MYO3B: variants seen among roughly 807,000 people sequenced by gnomAD.
MYO3B encodes myosin IIIB.
In MYO3B, 156 loss-of-function variants were observed where a neutral mutation model predicts 174.6. The ratio of observed to expected loss-of-function variants is 0.89; its 90% confidence interval spans 0.78 to 1.02. The LOEUF is 1.02. Ranked by LOEUF, MYO3B falls within the 50% of genes least tolerant of loss-of-function variation. MYO3B has a pLI of 0.00. For missense variants in MYO3B, 1,632 were observed against 1,639.4 expected, an observed-to-expected ratio of 1.00 and a Z score of 0.08; for synonymous variants, 563 against 569.1, an observed-to-expected ratio of 0.99 and a Z score of 0.15.
intron 16 of MYO3B, 53 bp from the exon 17 acceptor site, chr2:170,400,135 C>A: frequency 6.2e-7 from 1 of 1,610,886 alleles, no homozygotes; most frequent in South Asian, 1.1e-5. Flanking sequence ...TCTAATGGTT[C>A]ATTAGTTTGA....
intron 6 of MYO3B, among the ~76,000 whole-genome samples, chr2:170,230,740 G>C (rs1035628): frequency 0.9 from 137,620 of 152,218 alleles, 62,427 homozygotes; most frequent in Non-Finnish European, 0.93. Context: ...ATAATTATTA[G>C]CCATATGTCA....
intron 25 of MYO3B, among the ~76,000 whole-genome samples, chr2:170,481,376 G>C (rs1353435746): frequency 1.3e-5 from 2 of 152,166 alleles, no homozygotes; most frequent in Non-Finnish European, 2.9e-5. Context: ...CTTGAGCCCA[G>C]TCATTCGAGA....
chr2:170,370,624 TA>T (rs2094234419), intron 9 of MYO3B, among the ~76,000 whole-genome samples: 1 of 129,466 alleles, frequency 7.7e-6, no homozygotes, highest in Non-Finnish European at 1.6e-5. Context: ...ACCACCCACC[TA>T]CACACACACA....
chr2:170,205,102 G>A (rs935491368), intron 3 of MYO3B, among the ~76,000 whole-genome samples: 1 of 152,154 alleles, frequency 6.6e-6, no homozygotes, highest in African/African-American at 2.4e-5. Flanking sequence ...AAGTCAGACA[G>A]CTCTTATACT....
intron 8 of MYO3B, among the ~76,000 whole-genome samples, chr2:170,363,562 G>A (rs1459842820): frequency 6.6e-6 from 1 of 152,172 alleles, no homozygotes; most frequent in Non-Finnish European, 1.5e-5. Flanking sequence ...GTTTTTGCCT[G>A]TTTTTGGCAG....
intron 32 of MYO3B, among the ~76,000 whole-genome samples, chr2:170,548,997 A>G (rs910449450): frequency 1.3e-5 from 2 of 151,932 alleles, no homozygotes; most frequent in Non-Finnish European, 2.9e-5. Context: ...GGTTTTAAGC[A>G]TTTTTTTTAG....
intron 9 of MYO3B, among the ~76,000 whole-genome samples, chr2:170,378,054 C>T (rs1194830517): frequency 6.9e-6 from 1 of 144,770 alleles, no homozygotes; most frequent in African/African-American, 2.5e-5. Context: ...TTACTAATGA[C>T]ACAAATCACT....
intron 14 of MYO3B, among the ~76,000 whole-genome samples, chr2:170,388,569 G>A (rs928171164): frequency 4.6e-5 from 7 of 152,132 alleles, no homozygotes; most frequent in Non-Finnish European, 8.8e-5. Context: ...GCCACTGAAC[G>A]TTTTCAAGCA....
chr2:170,313,340 G>A (rs2105474609), intron 7 of MYO3B, among the ~76,000 whole-genome samples: 1 of 152,242 alleles, frequency 6.6e-6, no homozygotes, highest in East Asian at 1.9e-4. Context: ...CAAACATAGT[G>A]CTCAGTAAGT....
chr2:170,391,708 C>T (rs1210980317), intron 15 of MYO3B, 90 bp downstream of exon 15: 1 of 752,546 alleles, frequency 1.3e-6, no homozygotes, highest in African/African-American at 1.8e-5. Flanking sequence ...GTTTTCCTAA[C>T]TGGAAACTCA....
chr2:170,548,026 G>A (rs182697566), intron 32 of MYO3B, among the ~76,000 whole-genome samples: 1 of 147,242 alleles, frequency 6.8e-6, no homozygotes, highest in Non-Finnish European at 1.5e-5. Context: ...AGAATGGTGT[G>A]AACCCGGGAG....
chr2:170,638,107 TCTCA>T (rs944177333), intron 32 of MYO3B, among the ~76,000 whole-genome samples: 3 of 149,236 alleles, frequency 2.0e-5, no homozygotes, highest in African/African-American at 4.9e-5. Flanking sequence ...TCTCTCTCTC[TCTCA>T]CACACACACA....
chr2:170,545,712 T>C (rs1690438895), intron 32 of MYO3B, among the ~76,000 whole-genome samples: 3 of 152,324 alleles, frequency 2.0e-5, no homozygotes, highest in South Asian at 4.2e-4. Context: ...TCATATGCAC[T>C]TTCTTTCTAG....
At chr2:170,391,306 C>G (rs914222168) in intron 14 of MYO3B, among the ~76,000 whole-genome samples, 2 of 152,130 alleles carry the variant, frequency 1.3e-5, no homozygotes, top group Non-Finnish European at 2.9e-5. Flanking sequence ...TCTCTGAAAC[C>G]TTTTGCTTGT....
At chr2:170,551,673 A>G (rs147418596) in intron 32 of MYO3B, among the ~76,000 whole-genome samples, 179 of 151,806 alleles carry the variant, frequency 1.2e-3, no homozygotes, top group South Asian at 7.3e-3. Flanking sequence ...TTAATCCCCA[A>G]TCCAATTTCT....
chr2:170,406,732 T>C (rs974304287), intron 21 of MYO3B, among the ~76,000 whole-genome samples: 1 of 152,222 alleles, frequency 6.6e-6, no homozygotes, highest in East Asian at 1.9e-4. Flanking sequence ...AAACTTTTTT[T>C]ATTTTTATTT....
chr2:170,249,878 G>A (rs1420322673), intron 7 of MYO3B, among the ~76,000 whole-genome samples: 1 of 152,158 alleles, frequency 6.6e-6, no homozygotes, highest in Non-Finnish European at 1.5e-5. Context: ...AAAGATTTCT[G>A]TAAAGAAACC....
chr2:170,499,766 G>A lies in MYO3B; in HGVS notation c.3247G>A (p.Val1083Ile), dbSNP rs1687113247. 3 of 1,613,946 alleles carry A rather than the reference G, an allele frequency of 1.9e-6. No individual in the cohort carries two copies. The highest frequency in any genetic ancestry group is 2.7e-5 in the African/African-American group (2 of 74,932). The change falls in exon 27 of 35, where the codon GTC becomes ATC. Residue 1083 changes from valine (V) to isoleucine (I), a missense_variant. Coordinates refer to ENST00000408978, the MANE Select transcript of MYO3B (RefSeq NM_138995.5). ...GWLGARRYKR[V>I]REKREKGAIA... Reference sequence around the variant, plus strand: ...GCTTGGAGCCAGGAGATACAAAAGGGTCAGAGAGAAGAGAGAGAAGGGAGC... The same window carrying A: ...GCTTGGAGCCAGGAGATACAAAAGGATCAGAGAGAAGAGAGAGAAGGGAGC...
At chr2:170,376,046 T>C (rs1313894936) in intron 9 of MYO3B, among the ~76,000 whole-genome samples, 1 of 152,232 alleles carries the variant, frequency 6.6e-6, no homozygotes, top group Non-Finnish European at 1.5e-5. Flanking sequence ...ATATGATTAA[T>C]GATAAGATGC....
Sources: gnomAD v4.1 joint callset for allele counts (sites outside exome capture counted in the v4.1 genomes callset) on GRCh38, gnomAD v4.1.1 for gene constraint, MANE v1.5 for transcripts, NCBI Gene and HGNC (gene_info 2026-07-23, HGNC 2026-07-21) for gene names.